The following APBB2 variants were observed in gnomAD, a reference collection of about 807,000 sequenced individuals.
APBB2 encodes the protein amyloid beta precursor protein binding family B member 2.
In APBB2, 38 loss-of-function variants were observed where a neutral mutation model predicts 82.5. The observed-to-expected ratio is 0.46, with a 90% confidence interval of 0.36 to 0.60. APBB2 has a LOEUF of 0.60. Among genes scored for constraint, APBB2 ranks in the 20% least tolerant of loss-of-function variants. APBB2 has a pLI of 0.00. For synonymous variants in APBB2, 341 were observed against 368.2 expected (o/e 0.93, Z 0.85); for missense variants, 772 against 972.3 (o/e 0.79, Z 2.74).
At position 40,884,855 on chromosome 4, in the gene APBB2, C is replaced by T. The variant is rs556292637; in HGVS notation, c.1529+5509G>A. Among the ~76,000 whole-genome samples, 48 of 152,142 alleles carry T rather than the reference C, an allele frequency of 3.2e-4. 1 individual carries two copies. Among genetic ancestry groups the T allele is most frequent in the African/African-American group, 1.1e-3 (44 of 41,512 alleles). ...TTAGAAGAGAATATGAAAAAAAATTCGGTACAGTGGACACTATATTCTTTA... is the reference window on the plus strand; with the variant it reads ...TTAGAAGAGAATATGAAAAAAAATTTGGTACAGTGGACACTATATTCTTTA... On this transcript the variant is annotated intron_variant, in intron 12 of 17. Coordinates refer to ENST00000508593, the MANE Select transcript of APBB2 (RefSeq NM_004307.2).
At chr4:40,917,868 G>C (rs963713506) in intron 10 of APBB2, among the ~76,000 whole-genome samples, 1 of 152,140 alleles carries the variant, frequency 6.6e-6, no homozygotes, top group Non-Finnish European at 1.5e-5. Context: ...TTATCCACAG[G>C]GCAAAGGTTT....
intron 1 of APBB2, among the ~76,000 whole-genome samples, chr4:41,190,255 T>TC (rs2154070113): frequency 7.1e-6 from 1 of 139,904 alleles, no homozygotes; most frequent in Non-Finnish European, 1.5e-5. Context: ...TTTTTTTTTT[T>TC]TTTTTTTTTT....
chr4:41,092,371 C>T (rs1444491899), intron 3 of APBB2, among the ~76,000 whole-genome samples: 1 of 152,144 alleles, frequency 6.6e-6, no homozygotes. Flanking sequence ...TTTTTAAAGT[C>T]GGCATTCCTA....
chr4:41,050,989 T>TTTCCCTCGACACAGGATGC (rs147320360), intron 4 of APBB2, among the ~76,000 whole-genome samples: 10,808 of 151,838 alleles, frequency 0.071, 1,282 homozygotes, highest in African/African-American at 0.25. Context: ...GAACAGGGTG[T>TTTCCCTCGACACAGGATGC]TTCCCTCGAC....
intron 3 of APBB2, among the ~76,000 whole-genome samples, chr4:41,084,919 T>G (rs1739080337): frequency 1.3e-5 from 2 of 152,122 alleles, no homozygotes; most frequent in African/African-American, 4.8e-5. Flanking sequence ...AGTAAGTCAT[T>G]AAATGATTTG....
At position 41,191,701 on chromosome 4, in the gene APBB2, A is replaced by G. The variant is rs115432500; in HGVS notation, c.-417+22704T>C. Among the ~76,000 whole-genome samples the G allele has an allele frequency of 8.5e-3, 1,296 of 152,318 alleles. 29 individuals are homozygous for G. The highest frequency in any genetic ancestry group is 0.03 in the African/African-American group (1,249 of 41,570). On this transcript the variant is annotated intron_variant, in intron 1 of 17. Transcript: ENST00000508593. Reference sequence around the variant, plus strand: ...GAACATAAGGGAAAAGTTCCTTAACACTGGCCTTGGCAATGATTTTTTGGA... The same window carrying G: ...GAACATAAGGGAAAAGTTCCTTAACGCTGGCCTTGGCAATGATTTTTTGGA...
chr4:40,857,243 GC>G, intron 12 of APBB2: 1 of 904,442 alleles, frequency 1.1e-6, no homozygotes, highest in Non-Finnish European at 1.3e-6. Flanking sequence ...GCGTGGCCCC[GC>G]CCCACCCGGC....
chr4:40,835,822 G>A (rs1351215884), intron 12 of APBB2, among the ~76,000 whole-genome samples: 1 of 152,230 alleles, frequency 6.6e-6, no homozygotes, highest in Non-Finnish European at 1.5e-5. Context: ...CAGCATCTGC[G>A]AGAACAGGGC....
intron 3 of APBB2, among the ~76,000 whole-genome samples, chr4:41,082,552 T>C (rs1354975079): frequency 2.0e-5 from 3 of 150,184 alleles, no homozygotes; most frequent in African/African-American, 4.9e-5. Flanking sequence ...AGGAGGCTTC[T>C]ACAAAGTTAT....
intron 12 of APBB2, among the ~76,000 whole-genome samples, chr4:40,831,080 C>T (rs1751718153): frequency 2.0e-5 from 3 of 152,108 alleles, no homozygotes; most frequent in Admixed American, 2.0e-4. Context: ...GACTGGTCAA[C>T]AGAACAAGAC....
chr4:41,195,956 C>T, intron 1 of APBB2, among the ~76,000 whole-genome samples: 14 of 152,280 alleles, frequency 9.2e-5, no homozygotes, highest in East Asian at 3.9e-4. Context: ...GTCAGGAGAT[C>T]GAGACCATCC....
Position 41,172,980 on chromosome 4 carries a change from T to C in APBB2, c.-416-29838A>G, listed in dbSNP as rs1295686221. On this transcript the variant is annotated intron_variant, in intron 1 of 17. Coordinates refer to ENST00000508593, the MANE Select transcript of APBB2 (RefSeq NM_004307.2). ...CTTTTTTTACTCTGAAATAAATCTA[T>C]ACTCATCATTAGTACATTTTCACTT... 2.6e-5 allele frequency among the ~76,000 whole-genome samples: 4 copies of C among 152,358 alleles called. No homozygotes were observed. The East Asian group carries it at 7.7e-4, about 29-fold the overall frequency.
Position 40,982,400 on chromosome 4 carries a change from G to GAAAGAAAGAAA in APBB2, c.835+31182_835+31183insTTTCTTTCTTT, listed in dbSNP as rs1491531264. On this transcript the variant is annotated intron_variant, in intron 6 of 17. Coordinates refer to ENST00000508593, the MANE Select transcript of APBB2 (RefSeq NM_004307.2). ...GAAGGAAGGAAGGAAGGAAAGGAAA[G>GAAAGAAAGAAA]GAAAGAAAGAAAGAAAGAAAGAAAG... Among the ~76,000 whole-genome samples the GAAAGAAAGAAA allele has an allele frequency of 3.4e-3, 54 of 16,024 alleles. 1 individual carries two copies. Among genetic ancestry groups the GAAAGAAAGAAA allele is most frequent in the East Asian group, 0.021 (12 of 576 alleles). The allele number at this position is 16,024 out of a possible 152,430, so 10.5% of individuals were successfully genotyped here.
chr4:41,109,447 C>A (rs937020860), intron 2 of APBB2, among the ~76,000 whole-genome samples: 3 of 151,944 alleles, frequency 2.0e-5, no homozygotes, highest in African/African-American at 7.2e-5. Flanking sequence ...CGTGCCACCA[C>A]GCCCAGCTAA....
rs140136969 is a variant in APBB2, at chr4:41,160,555, G to A, written c.-416-17413C>T. 7.9e-5 allele frequency among the ~76,000 whole-genome samples: 12 copies of A among 152,218 alleles called. No individual in the cohort carries two copies. In the South Asian group the frequency reaches 1.2e-3, roughly 16 times the overall value. ...CACCACTAATGCCCTGGGCTTGGCC[G>A]CCTTGGGCAAATCCCTCAGCGACTC... On this transcript the variant is annotated intron_variant, in intron 1 of 17. Coordinates refer to ENST00000508593, the MANE Select transcript of APBB2 (RefSeq NM_004307.2).
intron 12 of APBB2, among the ~76,000 whole-genome samples, chr4:40,835,405 G>A (rs56137026): frequency 0.13 from 19,224 of 152,168 alleles, 1,289 homozygotes; most frequent in Non-Finnish European, 0.15. Flanking sequence ...TGTTACAGAC[G>A]GGCAATGAGG....
rs952074434 is a variant in APBB2 at position 40,963,252 on chromosome 4, C to CT, written c.836-18180dup. Reference sequence around the variant, plus strand: ...TTACTTTTTCTTTTTTTCTTCCTTTCTTTTTTTTTTGAGACAGGGTATTGC... The same window carrying CT: ...TTACTTTTTCTTTTTTTCTTCCTTTCTTTTTTTTTTTGAGACAGGGTATTGC... On this transcript the variant is annotated intron_variant, in intron 6 of 17. Transcript: ENST00000508593. Among the ~76,000 whole-genome samples the CT allele has an allele frequency of 1.0e-3, 151 of 149,114 alleles. 1 individual carries two copies. Among genetic ancestry groups the CT allele is most frequent in the East Asian group, 9.7e-4 (5 of 5,136 alleles).
chr4:41,004,425 G>A (rs71608056), intron 6 of APBB2, among the ~76,000 whole-genome samples: 13,010 of 152,204 alleles, frequency 0.085, 773 homozygotes, highest in Middle Eastern at 0.14. Context: ...GGCACTCTGC[G>A]TATGGTGAGG....
In APBB2 at chr4:40,853,437, A is replaced by C. The variant is rs1030888150; in HGVS notation, c.1530-22860T>G. Among the ~76,000 whole-genome samples, 6 of 148,104 alleles carry C rather than the reference A, an allele frequency of 4.1e-5. No individual in the cohort carries two copies. The East Asian group carries it at 9.8e-4, about 24-fold the overall frequency. The stretch of plus-strand genomic sequence containing the variant: ...CATCCTCAGGCACGTTGAGTGCTCC[A>C]CTTCCTCAGTGCTTTCCTTCTTTTT... On this transcript the variant is annotated intron_variant, in intron 12 of 17. Coordinates refer to ENST00000508593, the MANE Select transcript of APBB2 (RefSeq NM_004307.2).
Sources: gnomAD v4.1 joint callset for allele counts (sites outside exome capture counted in the v4.1 genomes callset) on GRCh38, gnomAD v4.1.1 for gene constraint, MANE v1.5 for transcripts, NCBI Gene and HGNC (gene_info 2026-07-23, HGNC 2026-07-21) for gene names.